Variants in MYT1L observed in about 807,000 individuals in gnomAD.
MYT1L encodes the protein myelin transcription factor 1 like.
In MYT1L, 12 loss-of-function variants were observed where a neutral mutation model predicts 126.7. The ratio of observed to expected loss-of-function variants is 0.09; its 90% CI spans 0.06 to 0.15. The LOEUF is 0.15. Ranked by LOEUF, MYT1L falls within the 10% of genes least tolerant of loss-of-function variation. The pLI, the probability that MYT1L is intolerant of heterozygous loss-of-function variation, is 1.00. For synonymous variants in MYT1L, 541 were observed against 604.2 expected (o/e 0.90, Z 1.53); for missense variants, 979 against 1,585.2 (o/e 0.62, Z 6.49).
At chr2:2,017,324 T>G (rs2064525691) in intron 4 of MYT1L, among the ~76,000 whole-genome samples, 1 of 152,260 alleles carries the variant, frequency 6.6e-6, no homozygotes, top group Non-Finnish European at 1.5e-5. Context: ...GAACACAATC[T>G]AATTACCCAA....
chr2:2,068,129 G>T (rs1439432107), intron 3 of MYT1L, among the ~76,000 whole-genome samples: 1 of 152,086 alleles, frequency 6.6e-6, no homozygotes, highest in Non-Finnish European at 1.5e-5. Context: ...CTGGTCCAAT[G>T]AACTTTACAT....
At position 1,814,038 on chromosome 2, in the gene MYT1L, AAAAAAG is replaced by A. The variant is rs1189828338; in HGVS notation, c.3081-4877_3081-4872del. ...CGAGACTCCGTCCCCAAAAAAAAAA[AAAAAAG>A]AAAGAAAAATTAGCTTCCATGAAAC... On this transcript the variant is annotated intron_variant, in intron 21 of 24. Transcript: ENST00000647738. 2.5e-3 allele frequency among the ~76,000 whole-genome samples: 374 copies of A among 150,048 alleles called. 6 individuals are homozygous for A. Among genetic ancestry groups the A allele is most frequent in the African/African-American group, 7.9e-3 (323 of 40,742 alleles).
intron 18 of MYT1L, among the ~76,000 whole-genome samples, chr2:1,873,044 C>G (rs1247211769): frequency 1.3e-5 from 2 of 152,188 alleles, no homozygotes; most frequent in Non-Finnish European, 2.9e-5. Flanking sequence ...GCTCCTGCCT[C>G]CTGCCTTGGC....
chr2:2,291,122 C>A (rs2095592958), intron 1 of MYT1L, among the ~76,000 whole-genome samples: 1 of 151,202 alleles, frequency 6.6e-6, no homozygotes, highest in South Asian at 2.1e-4. Context: ...CTCAGAGCAA[C>A]ATTAAATTCT....
At chr2:2,284,089 A>G (rs1330936909) in intron 2 of MYT1L, among the ~76,000 whole-genome samples, 1 of 152,180 alleles carries the variant, frequency 6.6e-6, no homozygotes, top group Non-Finnish European at 1.5e-5. Context: ...AAACATAACT[A>G]TATGTTTTTG....
At chr2:2,222,046 C>T (rs1427923843) in intron 2 of MYT1L, among the ~76,000 whole-genome samples, 1 of 152,178 alleles carries the variant, frequency 6.6e-6, no homozygotes, top group Non-Finnish European at 1.5e-5. Flanking sequence ...CACTTGATGG[C>T]AGTTAATTGG....
intron 3 of MYT1L, among the ~76,000 whole-genome samples, chr2:2,086,719 T>C (rs1335408005): frequency 1.3e-5 from 2 of 152,210 alleles, no homozygotes; most frequent in Admixed American, 1.3e-4. Context: ...TGCTCTCTGC[T>C]GATTGGATCT....
chr2:2,018,633 C>A (rs748075728), intron 4 of MYT1L, among the ~76,000 whole-genome samples: 1 of 152,170 alleles, frequency 6.6e-6, no homozygotes, highest in Non-Finnish European at 1.5e-5. Flanking sequence ...CAAAGCAATG[C>A]AAAGTTGAGG....
intron 21 of MYT1L, among the ~76,000 whole-genome samples, chr2:1,837,977 T>A (rs1478243984): frequency 6.6e-6 from 1 of 151,588 alleles, no homozygotes; most frequent in East Asian, 1.9e-4. Context: ...AGTGGTGCAA[T>A]CTTGGCTCAC....
rs973922314 is a variant in MYT1L, at chr2:2,228,216, A to G, written c.-420-55228T>C. ...GGTGATTCTGTAATATACATTTTGT[A>G]TCAGGTTTGAATATCTGATAAAGTC... On this transcript the variant is annotated intron_variant, in intron 2 of 24. Transcript: ENST00000647738. This position sits in a 1 kb window ranked among gnomAD's most constrained non-coding sequence, Gnocchi z 5.9. Among the ~76,000 whole-genome samples, 2 of 152,234 alleles carry G rather than the reference A, an allele frequency of 1.3e-5. No homozygotes were observed. Among genetic ancestry groups the G allele is most frequent in the Non-Finnish European group, 1.5e-5 (1 of 68,042 alleles).
chr2:1,861,920 T>TCCTGCAGCCTGTGTAATCGTAGATCTG (rs2044708647), intron 18 of MYT1L, among the ~76,000 whole-genome samples: 1 of 25,956 alleles, frequency 3.9e-5, no homozygotes, highest in African/African-American at 1.2e-4. Context: ...TCCTGGATCC[T>TCCTGCAGCCTGTGTAATCGTAGATCTG]CCTGCAGCCT....
intron 4 of MYT1L, among the ~76,000 whole-genome samples, chr2:2,031,263 G>A (rs1473908025): frequency 5.9e-5 from 9 of 152,210 alleles, no homozygotes; most frequent in Non-Finnish European, 8.8e-5. Flanking sequence ...CATGAAAGAG[G>A]GCTGGGAGAG....
At chr2:2,156,605 T>C (rs548458625) in intron 3 of MYT1L, among the ~76,000 whole-genome samples, 1 of 152,382 alleles carries the variant, frequency 6.6e-6, no homozygotes, top group Non-Finnish European at 1.5e-5. Flanking sequence ...CATTAAAGTG[T>C]TTTTGCCCTT....
chr2:2,079,768 C>A (rs1471229001), intron 3 of MYT1L, among the ~76,000 whole-genome samples: 9 of 151,124 alleles, frequency 6.0e-5, no homozygotes, highest in Non-Finnish European at 1.2e-4. Flanking sequence ...GCCGAGATTG[C>A]GCCACTGCAC....
chr2:2,046,826 T>C (rs2068245398), intron 4 of MYT1L, among the ~76,000 whole-genome samples: 2 of 152,204 alleles, frequency 1.3e-5, no homozygotes, highest in South Asian at 4.1e-4. Context: ...TTGCTAATTA[T>C]TTTCTATAAC....
chr2:2,297,410 C>T (rs1191861626), intron 1 of MYT1L, among the ~76,000 whole-genome samples: 1 of 152,184 alleles, frequency 6.6e-6, no homozygotes, highest in Non-Finnish European at 1.5e-5. Context: ...CATCCCAGGC[C>T]CACCAGGAGG....
At chr2:1,866,260 C>T (rs1033013204) in intron 18 of MYT1L, among the ~76,000 whole-genome samples, 1 of 152,120 alleles carries the variant, frequency 6.6e-6, no homozygotes, top group Non-Finnish European at 1.5e-5. Flanking sequence ...TAGGCAGAGT[C>T]AGGACCATGG....
At chr2:2,012,761 C>G (rs2063957297) in intron 4 of MYT1L, among the ~76,000 whole-genome samples, 1 of 152,204 alleles carries the variant, frequency 6.6e-6, no homozygotes, top group African/African-American at 2.4e-5. Flanking sequence ...ACCGCACACC[C>G]TACCCACCCG....
chr2:2,329,633 A>G (rs986016091), intron 1 of MYT1L, among the ~76,000 whole-genome samples: 12 of 152,236 alleles, frequency 7.9e-5, no homozygotes, highest in Non-Finnish European at 1.5e-4. Flanking sequence ...AAGCAGAAGG[A>G]TTATATAACA....
Sources: allele counts gnomAD v4.1 joint callset (sites outside exome capture counted in the v4.1 genomes callset), GRCh38; gene constraint gnomAD v4.1.1; non-coding constraint Gnocchi (gnomAD v3.1); transcripts MANE v1.5; gene names NCBI Gene and HGNC (gene_info 2026-07-23, HGNC 2026-07-21).